Variants in HHAT observed in about 807,000 individuals in gnomAD.
HHAT encodes the protein protein-cysteine N-palmitoyltransferase HHAT.
HHAT carries 47 observed loss-of-function variants against 70.8 expected under a neutral mutation model. The observed-to-expected ratio is 0.66, with a 90% CI of 0.53 to 0.85. The LOEUF (loss-of-function observed/expected upper bound fraction) is 0.85. Among genes scored for constraint, HHAT ranks in the 40% least tolerant of loss-of-function variants. The probability of loss-of-function intolerance (pLI) is 0.00; values close to 1 mark genes in which losing one functional copy is unlikely to be tolerated. For missense variants in HHAT, 609 were observed against 604.8 expected, an observed-to-expected ratio of 1.01 and a Z score of -0.07; for synonymous variants, 228 against 247.6, an observed-to-expected ratio of 0.92 and a Z score of 0.74.
chr1:210,530,025 A>T (rs2095297795), intron 9 of HHAT, among the ~76,000 whole-genome samples: 2 of 152,180 alleles, frequency 1.3e-5, no homozygotes, highest in South Asian at 4.1e-4. Context: ...TTGAAGAGGG[A>T]CCACGTGAGT....
intron 11 of HHAT, among the ~76,000 whole-genome samples, chr1:210,636,111 T>TA (rs1396234556): frequency 6.6e-6 from 1 of 152,232 alleles, no homozygotes; most frequent in African/African-American, 2.4e-5. Flanking sequence ...GTTTTACCCC[T>TA]AACTTCTCTT....
chr1:210,371,739 C>T (rs2089588925), intron 3 of HHAT, among the ~76,000 whole-genome samples: 1 of 152,190 alleles, frequency 6.6e-6, no homozygotes, highest in African/African-American at 2.4e-5. Context: ...GGCCTAACCT[C>T]TGTAAACTCA....
At chr1:210,392,731 C>T (rs558550891) in intron 4 of HHAT, among the ~76,000 whole-genome samples, 8 of 152,270 alleles carry the variant, frequency 5.3e-5, no homozygotes, top group African/African-American at 1.9e-4. Flanking sequence ...CCACCATGCC[C>T]AGTCATTACT....
chr1:210,520,849 C>T (rs571040045), intron 9 of HHAT, among the ~76,000 whole-genome samples: 2 of 152,206 alleles, frequency 1.3e-5, no homozygotes, highest in Admixed American at 6.5e-5. Flanking sequence ...TTTTCTTTAT[C>T]GTCACTTTTC....
At chr1:210,623,760 G>C (rs931826835) in intron 11 of HHAT, 90 bp downstream of exon 11, 1 of 1,348,446 alleles carries the variant, frequency 7.4e-7, no homozygotes, top group Non-Finnish European at 1.0e-6. Context: ...GGATTTGGGG[G>C]AAGTCATTCA....
intron 7 of HHAT, among the ~76,000 whole-genome samples, chr1:210,430,285 T>G (rs1418191232): frequency 6.6e-6 from 1 of 151,818 alleles, no homozygotes; most frequent in Non-Finnish European, 1.5e-5. Context: ...TGTATTGGAA[T>G]CAGCCAAATC....
intron 10 of HHAT, among the ~76,000 whole-genome samples, chr1:210,598,660 G>C (rs1000633387): frequency 6.6e-6 from 1 of 152,182 alleles, no homozygotes; most frequent in African/African-American, 2.4e-5. Context: ...TCTCCCCCAA[G>C]TGTACAAGTT....
intron 10 of HHAT, among the ~76,000 whole-genome samples, chr1:210,611,920 G>A (rs1471339903): frequency 6.6e-6 from 1 of 152,114 alleles, no homozygotes; most frequent in African/African-American, 2.4e-5. Context: ...GTATTTTATT[G>A]AGGATTTTTA....
At chr1:210,656,269 C>T (rs1474672308) in intron 11 of HHAT, among the ~76,000 whole-genome samples, 2 of 152,130 alleles carry the variant, frequency 1.3e-5, no homozygotes, top group African/African-American at 4.8e-5. Context: ...ATAGAAGAGC[C>T]CTTCTAGACC....
chr1:210,432,281 C>G (rs928985699), intron 7 of HHAT, among the ~76,000 whole-genome samples: 1 of 151,742 alleles, frequency 6.6e-6, no homozygotes, highest in Non-Finnish European at 1.5e-5. Flanking sequence ...AAGTATAGAA[C>G]TTTAGAGAAT....
chr1:210,471,429 C>A (rs2094202730), intron 8 of HHAT, among the ~76,000 whole-genome samples: 1 of 151,128 alleles, frequency 6.6e-6, no homozygotes, highest in East Asian at 1.9e-4. Flanking sequence ...GAGAAAGTTA[C>A]AAATGTAAAG....
At chr1:210,461,488 G>C (rs1370654882) in intron 7 of HHAT, among the ~76,000 whole-genome samples, 2 of 152,134 alleles carry the variant, frequency 1.3e-5, no homozygotes, top group African/African-American at 4.8e-5. Context: ...ACTTAGTAGA[G>C]TTGGGGCTTC....
chr1:210,485,113 A>G (rs932373489), intron 8 of HHAT, among the ~76,000 whole-genome samples: 2 of 152,148 alleles, frequency 1.3e-5, no homozygotes, highest in Admixed American at 1.3e-4. Context: ...AACAAGAGAG[A>G]GAAGACAGTA....
chr1:210,337,294 CTG>C (rs2085588296), intron 1 of HHAT, among the ~76,000 whole-genome samples: 1 of 152,168 alleles, frequency 6.6e-6, no homozygotes, highest in Non-Finnish European at 1.5e-5. Context: ...AAAAAACAAT[CTG>C]TTTTCTATAA....
intron 11 of HHAT, among the ~76,000 whole-genome samples, chr1:210,652,434 G>T (rs531832040): frequency 1.1e-3 from 166 of 152,292 alleles, no homozygotes; most frequent in African/African-American, 3.9e-3. Context: ...AATTTGAGCT[G>T]CTACAGAGGG....
At chr1:210,389,565 T>A (rs2091315392) in intron 4 of HHAT, among the ~76,000 whole-genome samples, 1 of 152,200 alleles carries the variant, frequency 6.6e-6, no homozygotes, top group Non-Finnish European at 1.5e-5. Flanking sequence ...GAGATCTCGT[T>A]GTTTGAAAGT....
At chr1:210,574,465 A>G (rs1657157563) in intron 9 of HHAT, among the ~76,000 whole-genome samples, 1 of 152,258 alleles carries the variant, frequency 6.6e-6, no homozygotes, top group Admixed American at 6.5e-5. Flanking sequence ...CCATAACACA[A>G]TGGGAATCCA....
At chr1:210,337,034 C>A (rs2085564377) in intron 1 of HHAT, among the ~76,000 whole-genome samples, 1 of 152,144 alleles carries the variant, frequency 6.6e-6, no homozygotes, top group Admixed American at 6.5e-5. Context: ...ATATAATTGA[C>A]TCCCTTTTGC....
chr1:210,500,167 G>A (rs12086353), intron 8 of HHAT, among the ~76,000 whole-genome samples: 67,117 of 152,038 alleles, frequency 0.44, 15,222 homozygotes, highest in East Asian at 0.61. Flanking sequence ...CTAGATCCTT[G>A]AAGGGATCAT....
Sources: allele counts gnomAD v4.1 joint callset (sites outside exome capture counted in the v4.1 genomes callset), GRCh38; gene constraint gnomAD v4.1.1; transcripts MANE v1.5; gene names NCBI Gene and HGNC (gene_info 2026-07-23, HGNC 2026-07-21).